BROX: variants seen among roughly 807,000 people sequenced by gnomAD.
The protein encoded by BROX is BRO1 domain-containing protein BROX.
A neutral mutation model predicts 61.0 loss-of-function variants in BROX; 53 were observed. The ratio of observed to expected loss-of-function variants is 0.87; its 90% CI spans 0.70 to 1.09. The LOEUF (loss-of-function observed/expected upper bound fraction) is 1.09, where lower values mean the gene tolerates loss of function less well. Ranked by LOEUF, BROX falls within the 50% of genes least tolerant of loss-of-function variation. The pLI is 0.00. For synonymous variants in BROX, 152 were observed against 160.2 expected (o/e 0.95, Z 0.38); for missense variants, 489 against 472.0 (o/e 1.04, Z -0.33).
At chr1:222,724,784 G>A (rs1432447560) in intron 6 of BROX, among the ~76,000 whole-genome samples, 1 of 151,990 alleles carries the variant, frequency 6.6e-6, no homozygotes, top group Non-Finnish European at 1.5e-5. Context: ...TGAATTAGAT[G>A]TAGAATTGTA....
In BROX at chr1:222,728,172, A is replaced by T. The variant is rs566355714; in HGVS notation, c.671-571A>T. 2.8e-4 allele frequency among the ~76,000 whole-genome samples: 42 copies of T among 152,302 alleles called. No homozygotes were observed. In the South Asian group the frequency reaches 6.0e-3, roughly 22 times the overall value. On this transcript the variant is annotated intron_variant, in intron 8 of 12. Coordinates refer to ENST00000340934, the MANE Select transcript of BROX (RefSeq NM_144695.4). Reference sequence around the variant, plus strand: ...GTATTAGAGATAGGCTTGCTACATGAAGGAGTAATAGGCTAACTTAACTTA... The same window carrying T: ...GTATTAGAGATAGGCTTGCTACATGTAGGAGTAATAGGCTAACTTAACTTA...
chr1:222,734,233 T>C lies in BROX; in HGVS notation c.*1519T>C. 1 of 152,212 alleles carries C rather than the reference T, an allele frequency of 6.6e-6. No individual in the cohort carries two copies. The highest frequency in any genetic ancestry group is 2.1e-4 in the South Asian group (1 of 4,834). The allele number at this position is 152,212 out of a possible 1,614,324, so 9.4% of individuals were successfully genotyped here. A position where few individuals can be genotyped will look rare whatever the true frequency, so the allele number is the denominator to read the frequency against. ...GACAGATTGACTCACTTAATATAAA[T>C]AAGTAGCATACACTAAAAGCTTACT... On this transcript the variant is annotated 3_prime_UTR_variant, in exon 13 of 13. Transcript: ENST00000340934.
intron 5 of BROX, among the ~76,000 whole-genome samples, chr1:222,723,104 A>G (rs1657220702): frequency 6.6e-6 from 1 of 152,226 alleles, no homozygotes; most frequent in South Asian, 2.1e-4. Context: ...CAACCACTTG[A>G]AAATGATGTC....
At position 222,732,607 on chromosome 1, in the gene BROX, CTG is replaced by C; in HGVS notation, c.1150-18_1150-17del. The C allele has an allele frequency of 1.3e-6, 2 of 1,561,158 alleles. No individual in the cohort carries two copies. The highest frequency in any genetic ancestry group is 1.1e-5 in the South Asian group (1 of 87,956). On this transcript the variant is annotated intron_variant, in intron 12 of 12. Transcript: ENST00000340934. ...CTCAATCTTAGTTTATGTACTTAAA[CTG>C]TGGTTTTTTTCTCCCTAGACTAAAC...
rs772729684 is a variant in BROX, at chr1:222,712,745, C to T, written c.-214C>T. The T allele has an allele frequency of 7.0e-6, 9 of 1,290,006 alleles. 1 individual carries two copies. In the South Asian group the frequency reaches 1.1e-4, roughly 16 times the overall value. 79.9% of individuals were successfully genotyped at this position (1,290,006 alleles called of 1,614,324 possible). On this transcript the variant is annotated 5_prime_UTR_variant, in exon 1 of 13. Coordinates refer to ENST00000340934, the MANE Select transcript of BROX (RefSeq NM_144695.4). ...CTGCAACGCCGCGGCAATACCCGCCCCTGAGCTGCGCGCACTACCGCCTCG... is the reference window on the plus strand; with the variant it reads ...CTGCAACGCCGCGGCAATACCCGCCTCTGAGCTGCGCGCACTACCGCCTCG...
At chr1:222,724,061 T>C in intron 5 of BROX, 31 bp from the exon 6 acceptor site, 1 of 1,495,032 alleles carries the variant, frequency 6.7e-7, no homozygotes, top group South Asian at 1.2e-5. Flanking sequence ...ATGGAATTCA[T>C]CCTCTAACTA....
At chr1:222,727,512 A>G (rs550513661) in intron 8 of BROX, among the ~76,000 whole-genome samples, 1 of 152,298 alleles carries the variant, frequency 6.6e-6, no homozygotes, top group East Asian at 1.9e-4. Context: ...TAGTGTTTAT[A>G]ACAACCTTAT....
rs763531826 is a variant in BROX at position 222,732,667 on chromosome 1, G to C, written c.1189G>C (p.Glu397Gln). The change falls in exon 13 of 13, where the codon GAA (glutamate) becomes CAA (glutamine). Residue 397 changes from glutamate to glutamine, a missense_variant. By Grantham distance (29) the Glu-to-Gln change is conservative. Transcript: ENST00000340934. ...AGAAGAAGAAGTGAAACCTGTGAAA[G>C]AACCAGACATCAAACCTCAAAAGGA... is the stretch of plus-strand genomic sequence containing the variant. The part of the protein sequence containing the change: ...KPEEEVKPVK[E>Q]PDIKPQKDTG... 6.2e-7 allele frequency: 1 copy of C among 1,613,578 alleles called. No homozygotes were observed. Among genetic ancestry groups the C allele is most frequent in the East Asian group, 2.2e-5 (1 of 44,780 alleles).
Position 222,713,320 on chromosome 1 carries a change from G to C in BROX, c.-17+378G>C, listed in dbSNP as rs558420060. ...AACTCAAGTGTTGGCGCGTGCGCACGGTCGCCGCCCGCTGCCTCGAACGGG... is the reference window on the plus strand; with the variant it reads ...AACTCAAGTGTTGGCGCGTGCGCACCGTCGCCGCCCGCTGCCTCGAACGGG... On this transcript the variant is annotated intron_variant, in intron 1 of 12. Coordinates refer to ENST00000340934, the MANE Select transcript of BROX (RefSeq NM_144695.4). The C allele has an allele frequency of 2.7e-4, 269 of 985,830 alleles. 3 individuals are homozygous for C. The highest frequency in any genetic ancestry group is 1.1e-3 in the East Asian group (10 of 8,820). The allele number at this position is 985,830 out of a possible 1,614,324, so 61.1% of individuals were successfully genotyped here.
At chr1:222,718,895 A>T (rs1345083315) in intron 2 of BROX, 30 bp from the exon 3 acceptor site, 4 of 1,570,478 alleles carry the variant, frequency 2.5e-6, no homozygotes, top group Non-Finnish European at 3.5e-6. Context: ...AGTACAGCTA[A>T]CTTTACTGTC....
At chr1:222,723,176 G>C (rs1385803675) in intron 5 of BROX, among the ~76,000 whole-genome samples, 1 of 152,216 alleles carries the variant, frequency 6.6e-6, no homozygotes, top group Non-Finnish European at 1.5e-5. Flanking sequence ...AATAAGAGCA[G>C]AGTAATGATT....
intron 1 of BROX, among the ~76,000 whole-genome samples, chr1:222,714,221 T>C (rs960775070): frequency 6.6e-6 from 1 of 150,570 alleles, no homozygotes; most frequent in Non-Finnish European, 1.5e-5. Context: ...TTTTTTTTTT[T>C]TTTTTTTTGA....
chr1:222,718,107 AAG>A (rs1656773959), intron 2 of BROX: 1 of 152,214 alleles, frequency 6.6e-6, no homozygotes, highest in East Asian at 1.9e-4. Context: ...GAGATCTCAA[AAG>A]AGAGAAAACC....
At position 222,712,577 on chromosome 1, in the gene BROX, C is replaced by G; in HGVS notation, c.-382C>G. On this transcript the variant is annotated 5_prime_UTR_variant, in exon 1 of 13. Coordinates refer to ENST00000340934, the MANE Select transcript of BROX (RefSeq NM_144695.4). ...TGAGGCCGCCCCACTGCGCCGAGGG[C>G]CGCCATCGCTATTGCGGCATTCTCC... is the stretch of plus-strand genomic sequence containing the variant. The G allele has an allele frequency of 7.3e-7, 1 of 1,371,006 alleles. No individual in the cohort carries two copies. Among genetic ancestry groups the G allele is most frequent in the Non-Finnish European group, 9.5e-7 (1 of 1,054,734 alleles). The allele number at this position is 1,371,006 out of a possible 1,614,324, so 84.9% of individuals were successfully genotyped here.
chr1:222,724,933 A>T (rs868590274), intron 6 of BROX, among the ~76,000 whole-genome samples: 19 of 152,166 alleles, frequency 1.2e-4, no homozygotes, highest in Middle Eastern at 3.4e-3. Context: ...AGCTGGGATT[A>T]TAGGTGCCTG....
rs1183088224 is a variant in BROX at position 222,712,729 on chromosome 1, C to T, written c.-230C>T. The T allele has an allele frequency of 7.7e-7, 1 of 1,290,530 alleles. No homozygotes were observed. Among genetic ancestry groups the T allele is most frequent in the Non-Finnish European group, 1.0e-6 (1 of 989,684 alleles). 79.9% of individuals were successfully genotyped at this position (1,290,530 alleles called of 1,614,324 possible). A position where few individuals can be genotyped will look rare whatever the true frequency, so the allele number is the denominator to read the frequency against. ...AAGCGTTTTGAGGGGACTGCAACGC[C>T]GCGGCAATACCCGCCCCTGAGCTGC... On this transcript the variant is annotated 5_prime_UTR_variant, in exon 1 of 13. Coordinates refer to ENST00000340934, the MANE Select transcript of BROX (RefSeq NM_144695.4).
intron 1 of BROX, 89 bp from the exon 2 acceptor site, chr1:222,715,595 A>G (rs543983010): frequency 2.5e-5 from 13 of 530,412 alleles, no homozygotes; most frequent in African/African-American, 2.0e-4. Flanking sequence ...AAATTTTTAT[A>G]CTATTGAAAT....
rs1433237493 is a variant in BROX, at chr1:222,728,881, G to A, written c.756+53G>A. On this transcript the variant is annotated intron_variant, in intron 9 of 12. Transcript: ENST00000340934. Reference sequence around the variant, plus strand: ...GTAAATTATTGTTTCTCCAGCCCTTGGAGTGCCAGGTCTCTCATCTCACCA... The same window carrying A: ...GTAAATTATTGTTTCTCCAGCCCTTAGAGTGCCAGGTCTCTCATCTCACCA... 3.0e-6 allele frequency: 4 copies of A among 1,320,990 alleles called. No homozygotes were observed. In the East Asian group the frequency reaches 7.2e-5, roughly 24 times the overall value. 81.8% of individuals were successfully genotyped at this position (1,320,990 alleles called of 1,614,324 possible). A position where few individuals can be genotyped will look rare whatever the true frequency, so the allele number is the denominator to read the frequency against.
chr1:222,730,375 C>A (rs1212289960), intron 11 of BROX, among the ~76,000 whole-genome samples, 198 bp downstream of exon 11: 2 of 152,070 alleles, frequency 1.3e-5, no homozygotes, highest in African/African-American at 4.8e-5. Flanking sequence ...GAGGGTGAAT[C>A]CCTTAAGCCC....
Sources: gnomAD v4.1 joint callset for allele counts (sites outside exome capture counted in the v4.1 genomes callset) on GRCh38, gnomAD v4.1.1 for gene constraint, MANE v1.5 for transcripts, NCBI Gene and HGNC (gene_info 2026-07-23, HGNC 2026-07-21) for gene names.